Variants in CTIF observed in about 807,000 individuals in gnomAD.
CTIF encodes the protein cap binding complex dependent translation initiation factor.
A neutral mutation model predicts 66.0 loss-of-function variants in CTIF; 21 were observed. The ratio of observed to expected loss-of-function variants is 0.32; its 90% CI spans 0.23 to 0.46. CTIF has a LOEUF of 0.46. Ranked by LOEUF, CTIF falls within the 20% of genes least tolerant of loss-of-function variation. The pLI is 1.00. For missense variants in CTIF, 739 were observed against 812.7 expected (o/e 0.91, Z 1.10); for synonymous variants, 345 against 326.4 (o/e 1.06, Z -0.62).
chr18:48,594,393 C>T (rs2089952612), intron 1 of CTIF, among the ~76,000 whole-genome samples: 1 of 150,986 alleles, frequency 6.6e-6, no homozygotes, highest in Non-Finnish European at 1.5e-5. Context: ...CCAGGCCCCA[C>T]AGTTGTTGAA....
At chr18:48,552,662 C>T (rs8090687) in intron 1 of CTIF, among the ~76,000 whole-genome samples, 3,223 of 152,236 alleles carry the variant, frequency 0.021, 116 homozygotes, top group African/African-American at 0.073. Context: ...CTCCTAATAC[C>T]ATCGAGTCAG....
At chr18:48,567,744 G>C (rs2089310108) in intron 1 of CTIF, 1 of 152,280 alleles carries the variant, frequency 6.6e-6, no homozygotes, top group African/African-American at 2.4e-5. Context: ...TGACTGCTCT[G>C]TCACAGTGGG....
chr18:48,832,173 CT>C (rs61221781), intron 10 of CTIF, among the ~76,000 whole-genome samples: 7,385 of 128,164 alleles, frequency 0.058, 431 homozygotes, highest in East Asian at 0.32. Flanking sequence ...CGTGGTCCTT[CT>C]TTTTTTTTTT....
At chr18:48,759,533 A>G (rs1273399938) in intron 8 of CTIF, among the ~76,000 whole-genome samples, 1 of 152,148 alleles carries the variant, frequency 6.6e-6, no homozygotes, top group Non-Finnish European at 1.5e-5. Flanking sequence ...CAGAGTGGAA[A>G]CAGCACGGGC....
chr18:48,827,226 CAACA>C (rs2068600229), intron 10 of CTIF, among the ~76,000 whole-genome samples: 1 of 152,164 alleles, frequency 6.6e-6, no homozygotes, highest in South Asian at 2.1e-4. Context: ...TTTATTCATT[CAACA>C]AACAATGAGA....
chr18:48,571,731 A>G (rs2089419919), intron 1 of CTIF, among the ~76,000 whole-genome samples: 2 of 152,236 alleles, frequency 1.3e-5, no homozygotes, highest in African/African-American at 4.8e-5. Flanking sequence ...GGTGGTTCCC[A>G]GTCTTTTGCT....
intron 7 of CTIF, among the ~76,000 whole-genome samples, chr18:48,731,171 C>G (rs1298986364): frequency 6.6e-6 from 1 of 152,092 alleles, no homozygotes; most frequent in East Asian, 1.9e-4. Flanking sequence ...GAGAGGCAGA[C>G]AGTGCCTACC....
At chr18:48,759,166 C>G (rs570343591) in intron 8 of CTIF, among the ~76,000 whole-genome samples, 54 of 152,298 alleles carry the variant, frequency 3.5e-4, no homozygotes, top group African/African-American at 1.2e-3. Context: ...TGTGCTCACC[C>G]CAGTGCCACC....
chr18:48,700,483 C>A (rs1002717065), intron 6 of CTIF, among the ~76,000 whole-genome samples: 1 of 152,218 alleles, frequency 6.6e-6, no homozygotes, highest in African/African-American at 2.4e-5. Flanking sequence ...AGGCTTCCCC[C>A]CGGCACAGCG....
intron 10 of CTIF, among the ~76,000 whole-genome samples, chr18:48,846,084 G>A (rs2069065388): frequency 6.6e-6 from 1 of 152,206 alleles, no homozygotes. Context: ...TGGCTCTCCA[G>A]TCCCTTGGGA....
At chr18:48,673,516 C>G (rs538809589) in intron 6 of CTIF, 1 of 152,342 alleles carries the variant, frequency 6.6e-6, no homozygotes, top group African/African-American at 2.4e-5. Flanking sequence ...ACTAAACAAA[C>G]CCCACATCTC....
intron 5 of CTIF, among the ~76,000 whole-genome samples, chr18:48,667,727 T>C (rs764000561): frequency 1.3e-5 from 2 of 152,182 alleles, no homozygotes; most frequent in Non-Finnish European, 2.9e-5. Context: ...TCGGCCAGTC[T>C]CACTTTCTCA....
chr18:48,696,171 G>A (rs559665591), intron 6 of CTIF, among the ~76,000 whole-genome samples: 8 of 152,242 alleles, frequency 5.3e-5, no homozygotes, highest in Non-Finnish European at 7.3e-5. Context: ...GAAGCTTAGG[G>A]CTCTGGCATG....
intron 3 of CTIF, among the ~76,000 whole-genome samples, chr18:48,637,063 A>G (rs1285486278): frequency 1.3e-5 from 2 of 152,326 alleles, no homozygotes; most frequent in East Asian, 1.9e-4. Flanking sequence ...GCAGCCCCAC[A>G]AACAATGGGA....
chr18:48,726,983 T>G (rs1346153251), intron 7 of CTIF, among the ~76,000 whole-genome samples: 4 of 152,032 alleles, frequency 2.6e-5, no homozygotes, highest in African/African-American at 9.7e-5. Context: ...CAGATGACGC[T>G]CTTTGGGTGT....
At chr18:48,641,231 G>A (rs940554341) in intron 3 of CTIF, among the ~76,000 whole-genome samples, 3 of 152,244 alleles carry the variant, frequency 2.0e-5, no homozygotes, top group African/African-American at 7.2e-5. Context: ...GAAACCAAAT[G>A]CATGGGAAAG....
At chr18:48,667,116 C>CACAT (rs369150835) in intron 5 of CTIF, among the ~76,000 whole-genome samples, 1 of 151,410 alleles carries the variant, frequency 6.6e-6, no homozygotes, top group Non-Finnish European at 1.5e-5. Flanking sequence ...CACACACACA[C>CACAT]GAGTATACAA....
chr18:48,598,862 ACC>A (rs1056505166), intron 1 of CTIF, among the ~76,000 whole-genome samples: 9 of 152,156 alleles, frequency 5.9e-5, no homozygotes, highest in Admixed American at 3.3e-4. Context: ...ATTAGTCTCC[ACC>A]TCCAACCCCA....
At chr18:48,573,245 G>T (rs911452436) in intron 1 of CTIF, among the ~76,000 whole-genome samples, 2 of 152,212 alleles carry the variant, frequency 1.3e-5, no homozygotes, top group Non-Finnish European at 2.9e-5. Flanking sequence ...CCACAGAGCT[G>T]CTGGGGTCAG....
Sources: gnomAD v4.1 joint callset for allele counts (sites outside exome capture counted in the v4.1 genomes callset) on GRCh38, gnomAD v4.1.1 for gene constraint, MANE v1.5 for transcripts, NCBI Gene and HGNC (gene_info 2026-07-23, HGNC 2026-07-21) for gene names.